PDZRN3: variants seen among roughly 807,000 people sequenced by gnomAD.
The protein encoded by PDZRN3 is PDZ domain containing ring finger 3.
In PDZRN3, 38 loss-of-function variants were observed where a neutral mutation model predicts 85.7. The ratio of observed to expected loss-of-function variants is 0.44; its 90% CI spans 0.34 to 0.58. The LOEUF is 0.58. Ranked by LOEUF, PDZRN3 falls within the 20% of genes least tolerant of loss-of-function variation. The pLI is 0.01. For missense variants in PDZRN3, 1,629 were observed against 1,506.4 expected (o/e 1.08, Z -1.35); for synonymous variants, 759 against 638.0 (o/e 1.19, Z -2.86).
At chr3:73,437,683 C>T (rs1289673454) in intron 3 of PDZRN3, among the ~76,000 whole-genome samples, 1 of 152,044 alleles carries the variant, frequency 6.6e-6, no homozygotes, top group East Asian at 1.9e-4. Flanking sequence ...ACTCATGCAC[C>T]CATTATGCCT....
At chr3:73,579,739 AG>A (rs1196376334) in intron 3 of PDZRN3, among the ~76,000 whole-genome samples, 1 of 152,176 alleles carries the variant, frequency 6.6e-6, no homozygotes, top group Non-Finnish European at 1.5e-5. Context: ...GACTGTAATA[AG>A]GGTGCAACTG....
chr3:73,457,245 G>A (rs1423219173), intron 3 of PDZRN3, among the ~76,000 whole-genome samples: 1 of 151,944 alleles, frequency 6.6e-6, no homozygotes, highest in Non-Finnish European at 1.5e-5. Flanking sequence ...GCTAATTTTT[G>A]TATTTTTAGT....
chr3:73,384,516 C>A lies in PDZRN3; in HGVS notation c.2050G>T (p.Glu684Ter). The change falls in exon 10 of 10, where the codon GAG becomes TAG. Residue 684 changes from glutamate (E) to a stop codon, truncating the protein, a stop_gained. Coordinates refer to ENST00000263666, the MANE Select transcript of PDZRN3 (RefSeq NM_015009.3). LOFTEE classifies it high-confidence loss of function. ...GKSDPESVDK[E>*]LELLNEELRS... ...AGCTCTTCGTTCAGCAGCTCCAGCT[C>A]CTTGTCCACGCTCTCAGGGTCACTC... The A allele has an allele frequency of 1.9e-6, 3 of 1,613,768 alleles. No homozygotes were observed. The highest frequency in any genetic ancestry group is 2.5e-6 in the Non-Finnish European group (3 of 1,180,038).
intron 3 of PDZRN3, among the ~76,000 whole-genome samples, chr3:73,552,449 C>A (rs1701585942): frequency 6.6e-6 from 1 of 152,146 alleles, no homozygotes; most frequent in African/African-American, 2.4e-5. Context: ...TTATCTCATT[C>A]ATTCCTCATG....
At chr3:73,587,065 A>C (rs947169011) in intron 3 of PDZRN3, among the ~76,000 whole-genome samples, 1 of 152,228 alleles carries the variant, frequency 6.6e-6, no homozygotes, top group Non-Finnish European at 1.5e-5. Flanking sequence ...AACAGACCCC[A>C]GGGTACAATA....
intron 3 of PDZRN3, among the ~76,000 whole-genome samples, chr3:73,511,064 G>C (rs1316958468): frequency 2.0e-5 from 3 of 152,148 alleles, no homozygotes; most frequent in African/African-American, 7.2e-5. Context: ...TATACAAAGG[G>C]AGAAAACAAA....
chr3:73,552,552 AGT>A (rs1288335542), intron 3 of PDZRN3, among the ~76,000 whole-genome samples: 1 of 152,022 alleles, frequency 6.6e-6, no homozygotes, highest in African/African-American at 2.4e-5. Flanking sequence ...TGCGCATGTG[AGT>A]GTGTGTGTCC....
intron 3 of PDZRN3, among the ~76,000 whole-genome samples, chr3:73,485,305 T>A (rs1703642888): frequency 6.7e-6 from 1 of 149,224 alleles, no homozygotes; most frequent in African/African-American, 2.4e-5. Flanking sequence ...CAAAATAATT[T>A]ATATTATTTT....
chr3:73,537,251 G>GCGGGGCCACAGA (rs1704808781), intron 3 of PDZRN3, among the ~76,000 whole-genome samples: 1 of 152,152 alleles, frequency 6.6e-6, no homozygotes, highest in Non-Finnish European at 1.5e-5. Context: ...CCTAGGGAAG[G>GCGGGGCCACAGA]TGGGGCCACA....
chr3:73,504,921 C>A (rs1336547346), intron 3 of PDZRN3, among the ~76,000 whole-genome samples: 2 of 152,174 alleles, frequency 1.3e-5, no homozygotes, highest in Non-Finnish European at 2.9e-5. Flanking sequence ...GAAATTCTCT[C>A]CAAGTAAGTA....
chr3:73,431,623 AG>A (rs939525360), intron 3 of PDZRN3, among the ~76,000 whole-genome samples: 4 of 152,190 alleles, frequency 2.6e-5, no homozygotes, highest in Non-Finnish European at 5.9e-5. Flanking sequence ...GAATAGGAGC[AG>A]GGGGGATTTT....
At chr3:73,624,037 G>T (rs79280925) in intron 1 of PDZRN3, 66 bp downstream of exon 1, 3 of 1,360,454 alleles carry the variant, frequency 2.2e-6, no homozygotes, top group Non-Finnish European at 2.8e-6. Flanking sequence ...TACCCAAAGG[G>T]ATGGGGCGGG....
intron 3 of PDZRN3, among the ~76,000 whole-genome samples, chr3:73,592,504 T>G (rs1310007007): frequency 6.6e-6 from 1 of 151,870 alleles, no homozygotes; most frequent in Admixed American, 6.6e-5. Flanking sequence ...TAAAGAGAAT[T>G]AGAAGAGCCT....
chr3:73,493,065 A>AG (rs1175737613), intron 3 of PDZRN3, among the ~76,000 whole-genome samples: 2 of 142,352 alleles, frequency 1.4e-5, no homozygotes, highest in African/African-American at 5.2e-5. Context: ...TGAAATCTGA[A>AG]GGAGGTGGGA....
intron 3 of PDZRN3, among the ~76,000 whole-genome samples, chr3:73,413,694 G>A (rs934545706): frequency 6.6e-6 from 1 of 152,108 alleles, no homozygotes; most frequent in Non-Finnish European, 1.5e-5. Flanking sequence ...GGTGTTCACC[G>A]GTGACTGTAG....
chr3:73,573,944 T>C (rs1336707580), intron 3 of PDZRN3, among the ~76,000 whole-genome samples: 1 of 152,198 alleles, frequency 6.6e-6, no homozygotes, highest in African/African-American at 2.4e-5. Flanking sequence ...TTCTATCCCA[T>C]TCAAGATAAG....
At chr3:73,428,627 G>A (rs1048285476) in intron 3 of PDZRN3, among the ~76,000 whole-genome samples, 1 of 152,176 alleles carries the variant, frequency 6.6e-6, no homozygotes, top group Non-Finnish European at 1.5e-5. Flanking sequence ...TAAGGGAAAG[G>A]AAGGAAAACT....
intron 3 of PDZRN3, among the ~76,000 whole-genome samples, chr3:73,551,869 T>A (rs1424302812): frequency 1.3e-5 from 2 of 152,136 alleles, no homozygotes; most frequent in Non-Finnish European, 2.9e-5. Flanking sequence ...TTATTTTTCA[T>A]AGCAACACAA....
At chr3:73,537,353 A>G (rs1279872695) in intron 3 of PDZRN3, among the ~76,000 whole-genome samples, 1 of 152,178 alleles carries the variant, frequency 6.6e-6, no homozygotes, top group African/African-American at 2.4e-5. Context: ...CAAGTAATAA[A>G]TATTGTGTTA....
Sources: allele counts gnomAD v4.1 joint callset (sites outside exome capture counted in the v4.1 genomes callset), GRCh38; gene constraint gnomAD v4.1.1; transcripts MANE v1.5; gene names NCBI Gene and HGNC (gene_info 2026-07-23, HGNC 2026-07-21).